BRI3BP: variants seen among roughly 807,000 people sequenced by gnomAD.
BRI3BP encodes BRI3 binding protein, also known as BRI3-binding protein.
A neutral mutation model predicts 15.8 loss-of-function variants in BRI3BP; 7 were observed. That is an observed-to-expected ratio of 0.44 (90% CI 0.25 to 0.83). The LOEUF (loss-of-function observed/expected upper bound fraction) is 0.83. Among genes scored for constraint, BRI3BP ranks in the 40% least tolerant of loss-of-function variants. BRI3BP has a pLI of 0.20. For synonymous variants in BRI3BP, 192 were observed against 163.5 expected, an observed-to-expected ratio of 1.17 and a Z score of -1.33; for missense variants, 320 against 339.3, an observed-to-expected ratio of 0.94 and a Z score of 0.45.
rs942682343 is a variant in BRI3BP, at chr12:125,027,696, CT to C, written c.*2277del. On this transcript the variant is annotated 3_prime_UTR_variant, in exon 3 of 3. Coordinates refer to ENST00000341446, the MANE Select transcript of BRI3BP (RefSeq NM_080626.6). Reference sequence around the variant, plus strand: ...AAAAAAATTATTTGCTGGATCGAATCTTTTTTTTTTTGAGATGGAGTCTCAC... The same window carrying C: ...AAAAAAATTATTTGCTGGATCGAATCTTTTTTTTTTGAGATGGAGTCTCAC... 1.8e-4 allele frequency: 27 copies of C among 146,676 alleles called. No homozygotes were observed. Among genetic ancestry groups the C allele is most frequent in the African/African-American group, 2.7e-4 (11 of 40,340 alleles). 9.1% of individuals were successfully genotyped at this position (146,676 alleles called of 1,614,324 possible).
At chr12:125,014,130 T>C (rs1955219666) in intron 2 of BRI3BP, among the ~76,000 whole-genome samples, 1 of 152,118 alleles carries the variant, frequency 6.6e-6, no homozygotes, top group African/African-American at 2.4e-5. Flanking sequence ...GAAGTAACCT[T>C]CCCGTTTTCT....
At position 125,027,345 on chromosome 12, in the gene BRI3BP, A is replaced by G. The variant is rs558098259; in HGVS notation, c.*1915A>G. ...TGAAACGTGCACCTGTTTCAGGTGC[A>G]TGTTTATTCAGTGTGCATGGATATT... On this transcript the variant is annotated 3_prime_UTR_variant, in exon 3 of 3. Transcript: ENST00000341446. 1 of 152,204 alleles carries G rather than the reference A, an allele frequency of 6.6e-6. No homozygotes were observed. Among genetic ancestry groups the G allele is most frequent in the Admixed American group, 6.5e-5 (1 of 15,286 alleles). 9.4% of individuals were successfully genotyped at this position (152,204 alleles called of 1,614,324 possible).
At chr12:125,050,785 T>G in the BRI3BP span, among the ~76,000 whole-genome samples, 6 of 152,372 alleles carry the variant, frequency 3.9e-5, no homozygotes, top group Admixed American at 2.0e-4. Flanking sequence ...GTAAGGCTCC[T>G]AATCTAGGAG....
chr12:125,036,733 A>G, the BRI3BP span, among the ~76,000 whole-genome samples: 1 of 152,170 alleles, frequency 6.6e-6, no homozygotes, highest in Non-Finnish European at 1.5e-5. Context: ...ATGTGATGGT[A>G]TTTGGAGACA....
At chr12:125,031,574 ATTTTTTTTTT>A (rs367625363), downstream of BRI3BP, among the ~76,000 whole-genome samples, 15,238 of 83,992 alleles carry the variant, frequency 0.18, 778 homozygotes, top group Middle Eastern at 0.29. Context: ...TTTTCTTTCT[ATTTTTTTTTT>A]TTTTTTTTTT....
intron 1 of BRI3BP, among the ~76,000 whole-genome samples, chr12:125,006,902 A>T (rs1311599289): frequency 6.6e-6 from 1 of 152,160 alleles, no homozygotes; most frequent in Non-Finnish European, 1.5e-5. Context: ...CAAATTATAG[A>T]AATTGCTATA....
Position 125,019,537 on chromosome 12 carries a change from G to A in BRI3BP, c.317-5454G>A, listed in dbSNP as rs540929098. On this transcript the variant is annotated intron_variant, in intron 2 of 2. Coordinates refer to ENST00000341446, the MANE Select transcript of BRI3BP (RefSeq NM_080626.6). ...GTCTCTGAGGTCAGGGATTCAGTAC[G>A]TACTTTAATACTTCCATATATATTG... is the stretch of plus-strand genomic sequence containing the variant. Among the ~76,000 whole-genome samples, 10 of 151,594 alleles carry A rather than the reference G, an allele frequency of 6.6e-5. No homozygotes were observed. In the East Asian group the frequency reaches 9.7e-4, roughly 15 times the overall value.
In BRI3BP at chr12:125,025,154, C is replaced by G. The variant is rs745507337; in HGVS notation, c.480C>G (p.Ile160Met). The G allele has an allele frequency of 8.1e-6, 13 of 1,614,028 alleles. No homozygotes were observed. Among genetic ancestry groups the G allele is most frequent in the Non-Finnish European group, 1.1e-5 (13 of 1,180,046 alleles). ...LHVVFGRFFW[I>M]VRVVLFSMSC... is the part of the protein sequence containing the mutation. ...TGGTGTTCGGCCGCTTCTTCTGGAT[C>G]GTGCGGGTCGTCCTGTTTTCCATGT... The change falls in exon 3 of 3, where the codon ATC becomes ATG. Residue 160 changes from isoleucine to methionine, a missense_variant. Coordinates refer to ENST00000341446, the MANE Select transcript of BRI3BP (RefSeq NM_080626.6).
intron 1 of BRI3BP, among the ~76,000 whole-genome samples, chr12:125,005,174 A>G (rs1955130644): frequency 6.6e-6 from 1 of 152,096 alleles, no homozygotes; most frequent in Non-Finnish European, 1.5e-5. Flanking sequence ...GGATGCTCCC[A>G]ATTGGAATTT....
the BRI3BP span, among the ~76,000 whole-genome samples, chr12:125,041,449 T>C: frequency 6.6e-6 from 1 of 152,206 alleles, no homozygotes; most frequent in African/African-American, 2.4e-5. Context: ...CTAATTTTAA[T>C]GGATAGATAT....
At chr12:125,008,299 C>CTTTTTTTTTTTTTT (rs55697100) in intron 1 of BRI3BP, among the ~76,000 whole-genome samples, 2 of 99,946 alleles carry the variant, frequency 2.0e-5, no homozygotes, top group Non-Finnish European at 3.7e-5. Context: ...CCTCTTCTTT[C>CTTTTTTTTTTTTTT]TTTTTTTTTT....
In BRI3BP at chr12:125,020,738, A is replaced by C. The variant is rs541442032; in HGVS notation, c.317-4253A>C. ...TGTATCTACAAAAAATCAAAACATT[A>C]GCTTGGTGGTGCATGCTTGTAGTCT... On this transcript the variant is annotated intron_variant, in intron 2 of 2. Transcript: ENST00000341446. Among the ~76,000 whole-genome samples, 7 of 152,272 alleles carry C rather than the reference A, an allele frequency of 4.6e-5. No individual in the cohort carries two copies. In the South Asian group the frequency reaches 1.4e-3, roughly 32 times the overall value.
the BRI3BP span, among the ~76,000 whole-genome samples, chr12:125,036,378 T>TA: frequency 2.0e-5 from 3 of 151,436 alleles, no homozygotes; most frequent in Non-Finnish European, 4.4e-5. Context: ...TTTTTTATTT[T>TA]ATTTATTTAT....
intron 1 of BRI3BP, among the ~76,000 whole-genome samples, chr12:124,997,706 T>C (rs1008703577): frequency 6.6e-6 from 1 of 152,110 alleles, no homozygotes; most frequent in Non-Finnish European, 1.5e-5. Context: ...TATTAAGTGA[T>C]GCCCTGGCAT....
intron 2 of BRI3BP, among the ~76,000 whole-genome samples, chr12:125,020,436 G>A (rs375021064): frequency 1.3e-5 from 2 of 152,130 alleles, no homozygotes; most frequent in South Asian, 2.1e-4. Context: ...CCACCCCTAC[G>A]ACCTGATCAC....
chr12:125,014,543 G>A lies in BRI3BP; in HGVS notation c.316+1907G>A, dbSNP rs541890844. Among the ~76,000 whole-genome samples the A allele has an allele frequency of 2.6e-5, 4 of 152,318 alleles. No homozygotes were observed. In the South Asian group the frequency reaches 6.2e-4, roughly 24 times the overall value. On this transcript the variant is annotated intron_variant, in intron 2 of 2. Coordinates refer to ENST00000341446, the MANE Select transcript of BRI3BP (RefSeq NM_080626.6). ...GAGTTCTCTCCCTGTGGAGTCATAC[G>A]GGACACACTTAATTCCCCCAGCAGA...
At chr12:125,019,479 G>T (rs898752151) in intron 2 of BRI3BP, among the ~76,000 whole-genome samples, 6 of 152,038 alleles carry the variant, frequency 3.9e-5, no homozygotes, top group Non-Finnish European at 7.4e-5. Flanking sequence ...GTTAGGAGGG[G>T]TGACTGTGAG....
chr12:125,004,556 A>G (rs1049615104), intron 1 of BRI3BP, among the ~76,000 whole-genome samples: 1 of 152,208 alleles, frequency 6.6e-6, no homozygotes, highest in Non-Finnish European at 1.5e-5. Flanking sequence ...TTATAGAAAA[A>G]TTGTGAAGAT....
At chr12:125,037,246 C>A in the BRI3BP span, among the ~76,000 whole-genome samples, 15 of 152,170 alleles carry the variant, frequency 9.9e-5, no homozygotes, top group South Asian at 1.2e-3. Context: ...TTAGTAGAGA[C>A]AGGGTTTCAC....
Sources: gnomAD v4.1 joint callset for allele counts (sites outside exome capture counted in the v4.1 genomes callset) on GRCh38, gnomAD v4.1.1 for gene constraint, MANE v1.5 for transcripts, NCBI Gene and HGNC (gene_info 2026-07-23, HGNC 2026-07-21) for gene names.